Variants in TENM3 observed in about 807,000 individuals in gnomAD.
TENM3 encodes teneurin transmembrane protein 3, also known as teneurin-3.
TENM3 carries 63 observed loss-of-function variants against 255.1 expected under a neutral mutation model. The ratio of observed to expected loss-of-function variants is 0.25; its 90% confidence interval spans 0.20 to 0.30. TENM3 has a LOEUF of 0.30. Among genes scored for constraint, TENM3 ranks in the 10% least tolerant of loss-of-function variants. The probability of loss-of-function intolerance (pLI) is 1.00; values close to 1 mark genes in which losing one functional copy is unlikely to be tolerated. For missense variants in TENM3, 2,929 were observed against 3,461.1 expected (o/e 0.85, Z 3.86); for synonymous variants, 1,306 against 1,322.3 (o/e 0.99, Z 0.27).
At chr4:182,142,336 T>G (rs2149536731), upstream of TENM3, 2 of 158,222 alleles carry the variant, frequency 1.3e-5, 1 homozygote, top group South Asian at 4.1e-4. Flanking sequence ...CCAAGACTTC[T>G]CTACTTAACG....
chr4:181,821,357 T>A, the TENM3 span, among the ~76,000 whole-genome samples: 15 of 152,188 alleles, frequency 9.9e-5, no homozygotes, highest in African/African-American at 3.6e-4. Flanking sequence ...TGAATCCCCT[T>A]TGGTGTTTTG....
At chr4:181,713,022 T>C in the TENM3 span, among the ~76,000 whole-genome samples, 1 of 152,128 alleles carries the variant, frequency 6.6e-6, no homozygotes, top group Admixed American at 6.6e-5. Context: ...CATTCACAGG[T>C]AAAAAAGGAA....
Position 182,319,253 on chromosome 4 carries a change from T to G in TENM3, c.-75-4693T>G, listed in dbSNP as rs576207302. On this transcript the variant is annotated intron_variant, in intron 1 of 27. Coordinates refer to ENST00000511685, the MANE Select transcript of TENM3 (RefSeq NM_001080477.4). Reference sequence around the variant, plus strand: ...TAGGACTGTGCAGTCACTATCAAAGTGCTCTAACAATTTGGCATTACTTAA... The same window carrying G: ...TAGGACTGTGCAGTCACTATCAAAGGGCTCTAACAATTTGGCATTACTTAA... 3.3e-3 allele frequency among the ~76,000 whole-genome samples: 507 copies of G among 152,368 alleles called. 1 individual carries two copies. Among genetic ancestry groups the G allele is most frequent in the Non-Finnish European group, 5.2e-3 (356 of 68,030 alleles).
chr4:181,782,624 G>A, the TENM3 span, among the ~76,000 whole-genome samples: 1 of 151,990 alleles, frequency 6.6e-6, no homozygotes, highest in African/African-American at 2.4e-5. Flanking sequence ...ATCTCCTTCA[G>A]TTCTTCTCTG....
At chr4:182,273,623 G>C (rs2150230701) in intron 1 of TENM3, among the ~76,000 whole-genome samples, 1 of 152,268 alleles carries the variant, frequency 6.6e-6, no homozygotes, top group African/African-American at 2.4e-5. Context: ...GATTGTAAGA[G>C]GAAAATATGT....
chr4:181,626,356 G>A, the TENM3 span, among the ~76,000 whole-genome samples: 43 of 152,120 alleles, frequency 2.8e-4, no homozygotes, highest in African/African-American at 9.4e-4. Flanking sequence ...CCATTTTTGC[G>A]TTGCTATTAA....
intron 1 of TENM3, among the ~76,000 whole-genome samples, chr4:182,186,542 A>G (rs1328245232): frequency 6.6e-6 from 1 of 151,122 alleles, no homozygotes; most frequent in African/African-American, 2.4e-5. Context: ...GGAACTTCTT[A>G]CATTTATTAC....
chr4:181,907,337 C>A, the TENM3 span, among the ~76,000 whole-genome samples: 2 of 152,158 alleles, frequency 1.3e-5, no homozygotes, highest in Admixed American at 1.3e-4. Context: ...CCTAGCCAGT[C>A]ACTGCCATGA....
rs1426025978 is a variant in TENM3, at chr4:182,789,933, C to T, written c.5601+544C>T. ...TTTCTTCTACATATAAAAGGTAAGC[C>T]TCCTAGATTAGGCTGTTTTCCATTC... On this transcript the variant is annotated intron_variant, in intron 25 of 27. Transcript: ENST00000511685. The surrounding 1 kb of genome is among the most constrained non-coding windows in gnomAD (Gnocchi z 4.4). Among the ~76,000 whole-genome samples the T allele has an allele frequency of 6.6e-6, 1 of 152,132 alleles. No individual in the cohort carries two copies. The highest frequency in any genetic ancestry group is 1.9e-4 in the East Asian group (1 of 5,186).
the TENM3 span, among the ~76,000 whole-genome samples, chr4:181,448,334 G>A: frequency 6.8e-6 from 1 of 146,908 alleles, no homozygotes; most frequent in Non-Finnish European, 1.5e-5. Flanking sequence ...ACTACGCCCG[G>A]CTAATTTTTT....
At chr4:181,448,591 G>C in the TENM3 span, among the ~76,000 whole-genome samples, 2 of 152,176 alleles carry the variant, frequency 1.3e-5, no homozygotes, top group Non-Finnish European at 2.9e-5. Context: ...CAAGTGTGTC[G>C]TGAACTACGT....
At chr4:182,412,334 C>T (rs1479162701) in intron 3 of TENM3, among the ~76,000 whole-genome samples, 1 of 152,010 alleles carries the variant, frequency 6.6e-6, no homozygotes, top group Non-Finnish European at 1.5e-5. Context: ...TGAATGAAGG[C>T]AACCAAAATA....
At chr4:181,957,322 G>T in the TENM3 span, among the ~76,000 whole-genome samples, 1 of 152,134 alleles carries the variant, frequency 6.6e-6, no homozygotes. Flanking sequence ...ATGACCGATT[G>T]TTATCTTAGC....
intron 4 of TENM3, among the ~76,000 whole-genome samples, chr4:182,616,522 T>TTAAA (rs1554000094): frequency 1.1e-5 from 1 of 94,322 alleles, no homozygotes; most frequent in Non-Finnish European, 2.0e-5. Context: ...TAAAGTATAA[T>TTAAA]AAAAAAAAAA....
the TENM3 span, among the ~76,000 whole-genome samples, chr4:181,594,637 A>G: frequency 8.5e-5 from 13 of 152,120 alleles, no homozygotes; most frequent in African/African-American, 2.7e-4. Flanking sequence ...AGCAGCCTCA[A>G]CGGGTTCCAT....
At chr4:182,433,437 A>G (rs181513937) in intron 3 of TENM3, among the ~76,000 whole-genome samples, 1 of 152,332 alleles carries the variant, frequency 6.6e-6, no homozygotes, top group African/African-American at 2.4e-5. Context: ...TTTGTGAGGT[A>G]AACCTTGGAA....
At chr4:182,670,589 A>C (rs529363215) in intron 6 of TENM3, among the ~76,000 whole-genome samples, 1 of 152,332 alleles carries the variant, frequency 6.6e-6, no homozygotes, top group South Asian at 2.1e-4. Flanking sequence ...ATTTAGTTAT[A>C]GCTGTCCTTC....
At position 182,799,793 on chromosome 4, in the gene TENM3, C is replaced by A. The variant is rs775492579; in HGVS notation, c.7542C>A (p.Leu2514=). 21 of 1,603,214 alleles carry A rather than the reference C, an allele frequency of 1.3e-5. No homozygotes were observed. The Admixed American group carries it at 2.0e-4, about 16-fold the overall frequency. The change falls in exon 28 of 28, where the codon CTC becomes CTA. Residue 2514 remains leucine (L), a synonymous_variant. Transcript: ENST00000511685. The surrounding 1 kb of genome is among the most constrained non-coding windows in gnomAD (Gnocchi z 4.2). Reference sequence around the variant, plus strand: ...AGGGCCGCGTGCAGACCAACGTGCTCAACATCGCCAACGAGGACTGCATCA... The same window carrying A: ...AGGGCCGCGTGCAGACCAACGTGCTAAACATCGCCAACGAGGACTGCATCA... ...VSQGRVQTNV[L]NIANEDCIKV...
chr4:182,693,587 G>A lies in TENM3; in HGVS notation c.2221+5236G>A, dbSNP rs552516866. On this transcript the variant is annotated intron_variant, in intron 12 of 27. Transcript: ENST00000511685. ...TTCCTGACCTCAGGTGATCCACTGC[G>A]CCCGTCCTTTAGCTTTTATCTTAAC... Among the ~76,000 whole-genome samples, 9 of 152,056 alleles carry A rather than the reference G, an allele frequency of 5.9e-5. No homozygotes were observed. In the South Asian group the frequency reaches 1.2e-3, roughly 21 times the overall value.
Sources: gnomAD v4.1 joint callset for allele counts (sites outside exome capture counted in the v4.1 genomes callset) on GRCh38, gnomAD v4.1.1 for gene constraint, Gnocchi (gnomAD v3.1) non-coding constraint, MANE v1.5 for transcripts, NCBI Gene and HGNC (gene_info 2026-07-23, HGNC 2026-07-21) for gene names.